The following POC5 variants were observed in gnomAD, a reference collection of about 807,000 sequenced individuals.
POC5 encodes POC5 centriolar protein, also known as centrosomal protein POC5.
POC5 carries 48 observed loss-of-function variants against 62.9 expected under a neutral mutation model. That is an observed-to-expected ratio of 0.76 (90% CI 0.61 to 0.97). POC5 has a LOEUF of 0.97. Among genes scored for constraint, POC5 ranks in the 50% least tolerant of loss-of-function variants. The probability of loss-of-function intolerance (pLI) is 0.00; values close to 1 mark genes in which losing one functional copy is unlikely to be tolerated. For synonymous variants in POC5, 236 were observed against 228.2 expected (o/e 1.03, Z -0.31); for missense variants, 696 against 679.5 (o/e 1.02, Z -0.27).
chr5:75,707,117 A>G (rs565317801), intron 3 of POC5, among the ~76,000 whole-genome samples: 200 of 152,316 alleles, frequency 1.3e-3, no homozygotes, highest in Non-Finnish European at 2.1e-3. Flanking sequence ...CCTTTGAAAG[A>G]ACATTTATTT....
In POC5 at chr5:75,707,786, C is replaced by T; in HGVS notation, c.174G>A (p.Leu58=). The T allele has an allele frequency of 2.5e-6, 4 of 1,573,828 alleles. No homozygotes were observed. The highest frequency in any genetic ancestry group is 3.5e-6 in the Non-Finnish European group (4 of 1,156,108). Residue 58 remains leucine, a synonymous_variant, in exon 3 of 12, where the codon TTG becomes TTA. Coordinates refer to ENST00000428202, the MANE Select transcript of POC5 (RefSeq NM_001099271.2). ...ASQSSHPKGE[L]VPDVRISTIH... Reference sequence around the variant, plus strand: ...TTGTAGAAATTCTGACATCTGGCACCAATTCTCCCTTAGGATGAGATGACT... The same window carrying T: ...TTGTAGAAATTCTGACATCTGGCACTAATTCTCCCTTAGGATGAGATGACT...
chr5:75,674,405 T>C lies in POC5; in HGVS notation c.*30A>G. The C allele has an allele frequency of 6.2e-7, 1 of 1,608,522 alleles. No homozygotes were observed. Among genetic ancestry groups the C allele is most frequent in the East Asian group, 2.2e-5 (1 of 44,844 alleles). ...CTAACCCTTGGTAAGACCAGAGGGA[T>C]TAAAAGACCCCACTATGGACATATT... On this transcript the variant is annotated 3_prime_UTR_variant, in exon 12 of 12. Transcript: ENST00000428202.
intron 10 of POC5, among the ~76,000 whole-genome samples, chr5:75,679,789 T>C (rs1430747064): frequency 1.3e-5 from 2 of 152,104 alleles, no homozygotes; most frequent in African/African-American, 4.8e-5. Flanking sequence ...TAAGGTGGCA[T>C]CAGGAGGCCA....
At chr5:75,704,119 A>T (rs2112183701) in intron 4 of POC5, among the ~76,000 whole-genome samples, 1 of 148,374 alleles carries the variant, frequency 6.7e-6, no homozygotes, top group East Asian at 2.0e-4. Context: ...CGTGCCACCC[A>T]CTCTAGCCTG....
intron 2 of POC5, among the ~76,000 whole-genome samples, chr5:75,710,567 A>G (rs1777302002): frequency 6.6e-6 from 1 of 152,218 alleles, no homozygotes; most frequent in African/African-American, 2.4e-5. Flanking sequence ...GCAAAGATAC[A>G]GCAAGAAGGC....
chr5:75,701,705 A>G lies in POC5; in HGVS notation c.513+900T>C, dbSNP rs1776891910. Among the ~76,000 whole-genome samples, 2 of 149,320 alleles carry G rather than the reference A, an allele frequency of 1.3e-5. 1 individual carries two copies. Among genetic ancestry groups the G allele is most frequent in the African/African-American group, 4.9e-5 (2 of 40,462 alleles). Reference sequence around the variant, plus strand: ...CTGCACATTGTGTACATGTACCCTAAAACTTAAAGTATAATAATAATAAAA... The same window carrying G: ...CTGCACATTGTGTACATGTACCCTAGAACTTAAAGTATAATAATAATAAAA... On this transcript the variant is annotated intron_variant, in intron 5 of 11. Transcript: ENST00000428202.
chr5:75,688,952 C>A, intron 9 of POC5, 60 bp downstream of exon 9: 2 of 1,448,238 alleles, frequency 1.4e-6, no homozygotes, highest in Non-Finnish European at 1.8e-6. Context: ...ATACCAATCA[C>A]CAAAATCTCC....
intron 5 of POC5, among the ~76,000 whole-genome samples, chr5:75,695,318 C>T (rs1156586379): frequency 1.1e-4 from 17 of 152,138 alleles, no homozygotes; most frequent in Admixed American, 1.1e-3. Context: ...CTGCTATGTT[C>T]TGTCACCCTA....
intron 11 of POC5, 106 bp from the exon 12 acceptor site, chr5:75,674,684 T>G: frequency 7.2e-7 from 1 of 1,398,122 alleles, no homozygotes; most frequent in Non-Finnish European, 9.8e-7. Context: ...TTTGTTAAGA[T>G]CCAGTAGAAA....
chr5:75,696,115 A>C (rs1478822729), intron 5 of POC5: 1 of 159,992 alleles, frequency 6.3e-6, no homozygotes, highest in African/African-American at 2.4e-5. Flanking sequence ...TCAAACTGCA[A>C]GGCGGCAGCG....
In POC5 at chr5:75,689,042, T is replaced by C; in HGVS notation, c.1099A>G (p.Met367Val). 1 of 1,590,186 alleles carries C rather than the reference T, an allele frequency of 6.3e-7. No individual in the cohort carries two copies. The highest frequency in any genetic ancestry group is 8.5e-7 in the Non-Finnish European group (1 of 1,169,794). ...TCATTTCTGTTTTGAAATATAGTCATGGCTTCAAGATTTAATGCACATACA... is the reference window on the plus strand; with the variant it reads ...TCATTTCTGTTTTGAAATATAGTCACGGCTTCAAGATTTAATGCACATACA... ...RGVCALNLEA[M>V]TIFQNRNDAG... is the part of the protein sequence containing the mutation. Residue 367 changes from methionine to valine, a missense_variant, in exon 9 of 12, where the codon ATG becomes GTG. By Grantham distance (21) the Met-to-Val change is conservative. Coordinates refer to ENST00000428202, the MANE Select transcript of POC5 (RefSeq NM_001099271.2).
intron 5 of POC5, 116 bp downstream of exon 5, chr5:75,702,489 C>T: frequency 9.9e-7 from 1 of 1,011,380 alleles, no homozygotes; most frequent in East Asian, 2.6e-5. Flanking sequence ...AAACTGATCT[C>T]AGGAAACAAA....
chr5:75,677,538 G>A (rs1775714752), intron 11 of POC5: 1 of 281,632 alleles, frequency 3.6e-6, no homozygotes, highest in African/African-American at 2.2e-5. Flanking sequence ...TTACAGTTTG[G>A]AAGAAACGAT....
intron 9 of POC5, among the ~76,000 whole-genome samples, chr5:75,687,559 G>C (rs974073572): frequency 3.3e-5 from 5 of 152,124 alleles, no homozygotes; most frequent in African/African-American, 1.2e-4. Flanking sequence ...AGTAACAGGA[G>C]CAAAAGAAAT....
intron 10 of POC5, among the ~76,000 whole-genome samples, chr5:75,678,335 A>ATT (rs1775752772): frequency 6.6e-6 from 1 of 152,174 alleles, no homozygotes; most frequent in African/African-American, 2.4e-5. Context: ...GCTCACCATG[A>ATT]GATAATGCCT....
Position 75,677,931 on chromosome 5 carries a change from G to A in POC5, c.1427C>T (p.Thr476Ile), listed in dbSNP as rs779005895. The A allele has an allele frequency of 3.1e-6, 5 of 1,593,418 alleles. No homozygotes were observed. Among genetic ancestry groups the A allele is most frequent in the Admixed American group, 1.8e-5 (1 of 57,098 alleles). ...SEEMYVPRVVTSAQQKAGRTI... is the reference protein window; with the variant it reads ...SEEMYVPRVVISAQQKAGRTI... ...TCTTCCTGCTTTCTGTTGTGCAGAGGTTACAACTCTTGGCACATACTAAGA... is the reference window on the plus strand; with the variant it reads ...TCTTCCTGCTTTCTGTTGTGCAGAGATTACAACTCTTGGCACATACTAAGA... Residue 476 changes from threonine to isoleucine, a missense_variant, in exon 11 of 12, where the codon ACC (threonine) becomes ATC (isoleucine). Coordinates refer to ENST00000428202, the MANE Select transcript of POC5 (RefSeq NM_001099271.2).
intron 2 of POC5, chr5:75,709,459 C>CT (rs1243422429): frequency 1.3e-5 from 2 of 151,828 alleles, no homozygotes; most frequent in Admixed American, 6.6e-5. Context: ...CACAATACAA[C>CT]TTTTTTTATA....
intron 9 of POC5, among the ~76,000 whole-genome samples, chr5:75,688,009 T>C (rs995416457): frequency 8.5e-5 from 13 of 152,162 alleles, no homozygotes; most frequent in Non-Finnish European, 1.9e-4. Flanking sequence ...TGATTCTCAG[T>C]TTCTAAATTA....
intron 10 of POC5, among the ~76,000 whole-genome samples, chr5:75,682,702 A>C (rs1311331675): frequency 6.6e-6 from 1 of 151,750 alleles, no homozygotes; most frequent in Non-Finnish European, 1.5e-5. Flanking sequence ...ATTTTTGTAG[A>C]GACAGGGTTT....
Sources: allele counts gnomAD v4.1 joint callset (sites outside exome capture counted in the v4.1 genomes callset), GRCh38; gene constraint gnomAD v4.1.1; transcripts MANE v1.5; gene names NCBI Gene and HGNC (gene_info 2026-07-23, HGNC 2026-07-21).